The following PHACTR1 variants were observed in gnomAD, a reference collection of about 807,000 sequenced individuals.
The protein encoded by PHACTR1 is phosphatase and actin regulator 1.
Under a neutral mutation model 69.2 loss-of-function variants are expected in PHACTR1, and 16 were observed. The observed-to-expected ratio is 0.23, with a 90% confidence interval of 0.16 to 0.35. PHACTR1 has a LOEUF of 0.35. PHACTR1 is among the 10% of genes least tolerant of loss of function. PHACTR1 has a pLI of 1.00. For missense variants in PHACTR1, 510 were observed against 734.7 expected (o/e 0.69, Z 3.54); for synonymous variants, 312 against 284.5 (o/e 1.10, Z -0.97).
chr6:12,943,686 A>G (rs761675975), intron 4 of PHACTR1, among the ~76,000 whole-genome samples: 1 of 152,198 alleles, frequency 6.6e-6, no homozygotes, highest in Non-Finnish European at 1.5e-5. Flanking sequence ...TCTTGCTTTT[A>G]TATGAATGGG....
chr6:12,781,621 C>T (rs1487302726), intron 4 of PHACTR1, among the ~76,000 whole-genome samples: 2 of 152,156 alleles, frequency 1.3e-5, no homozygotes, highest in African/African-American at 4.8e-5. Flanking sequence ...AAAGCCTAGC[C>T]ACAGGGAGGG....
At chr6:13,013,057 T>G (rs3934659) in intron 4 of PHACTR1, among the ~76,000 whole-genome samples, 28,049 of 152,110 alleles carry the variant, frequency 0.18, 2,813 homozygotes, top group South Asian at 0.27. Context: ...TTTGTTTTGT[T>G]TTGTTTTGTT....
chr6:12,894,991 C>G (rs1784513595), intron 4 of PHACTR1, among the ~76,000 whole-genome samples: 1 of 151,980 alleles, frequency 6.6e-6, no homozygotes, highest in African/African-American at 2.4e-5. Context: ...TACTATATCC[C>G]TAGAGCCTAG....
intron 3 of PHACTR1, among the ~76,000 whole-genome samples, chr6:12,749,217 T>G (rs556200624): frequency 6.6e-6 from 1 of 152,340 alleles, no homozygotes; most frequent in East Asian, 1.9e-4. Context: ...GAGGGCACAG[T>G]GCTGACTGGG....
chr6:12,940,065 C>A (rs569919286), intron 4 of PHACTR1, among the ~76,000 whole-genome samples: 2 of 152,098 alleles, frequency 1.3e-5, no homozygotes, highest in South Asian at 2.1e-4. Flanking sequence ...GATTCATTTC[C>A]CCCCTGCTGT....
intron 4 of PHACTR1, among the ~76,000 whole-genome samples, chr6:12,856,305 G>T (rs1332869441): frequency 1.4e-4 from 20 of 144,832 alleles, no homozygotes; most frequent in African/African-American, 5.2e-4. Flanking sequence ...CCAAGCTGGA[G>T]TGCAGTGGCG....
intron 4 of PHACTR1, among the ~76,000 whole-genome samples, chr6:12,846,155 G>A (rs1253190449): frequency 6.6e-6 from 1 of 152,186 alleles, no homozygotes; most frequent in Non-Finnish European, 1.5e-5. Flanking sequence ...GATGACTTTA[G>A]CCACATGTTG....
chr6:12,830,348 CT>C (rs1203435038), intron 4 of PHACTR1, among the ~76,000 whole-genome samples: 10 of 146,678 alleles, frequency 6.8e-5, no homozygotes, highest in Non-Finnish European at 1.1e-4. Context: ...AAAAAAAAAG[CT>C]GTGAAAAAGG....
intron 4 of PHACTR1, among the ~76,000 whole-genome samples, chr6:13,029,305 G>C (rs766652778): frequency 2.0e-5 from 3 of 152,198 alleles, no homozygotes; most frequent in Non-Finnish European, 2.9e-5. Flanking sequence ...CCTGCATAAA[G>C]TAACGGCAGA....
At chr6:12,991,545 T>C (rs942013958) in intron 4 of PHACTR1, among the ~76,000 whole-genome samples, 15 of 152,330 alleles carry the variant, frequency 9.8e-5, no homozygotes, top group Admixed American at 7.8e-4. Flanking sequence ...CCTTCTACTT[T>C]TTGGTTTGTT....
At chr6:12,784,926 C>G (rs764086253) in intron 4 of PHACTR1, among the ~76,000 whole-genome samples, 9 of 151,756 alleles carry the variant, frequency 5.9e-5, no homozygotes, top group Non-Finnish European at 1.3e-4. Context: ...TCAGGCTGGT[C>G]TCGAACTCCC....
intron 3 of PHACTR1, among the ~76,000 whole-genome samples, chr6:12,730,237 A>G (rs1338627689): frequency 1.3e-5 from 2 of 152,140 alleles, no homozygotes; most frequent in African/African-American, 4.8e-5. Flanking sequence ...TTCCTTTCAC[A>G]TTATTTAGAA....
chr6:13,072,543 C>T (rs1214282021), intron 5 of PHACTR1, among the ~76,000 whole-genome samples: 2 of 151,754 alleles, frequency 1.3e-5, no homozygotes, highest in African/African-American at 4.8e-5. Context: ...CTAATTTTAC[C>T]TCTCTCTTTT....
chr6:13,014,537 G>T (rs990337777), intron 4 of PHACTR1, among the ~76,000 whole-genome samples: 3 of 152,184 alleles, frequency 2.0e-5, no homozygotes, highest in African/African-American at 4.8e-5. Flanking sequence ...GGGTTTGCTG[G>T]ACTGCGTTAC....
intron 5 of PHACTR1, among the ~76,000 whole-genome samples, chr6:13,128,353 CAAG>C (rs1363133598): frequency 1.3e-5 from 2 of 149,388 alleles, no homozygotes; most frequent in Admixed American, 6.7e-5. Flanking sequence ...TTAAGCTACT[CAAG>C]GAGATAACAG....
chr6:13,027,897 G>A (rs1054700418), intron 4 of PHACTR1, among the ~76,000 whole-genome samples: 4 of 152,040 alleles, frequency 2.6e-5, no homozygotes, highest in Non-Finnish European at 2.9e-5. Context: ...GGCTGGTCTC[G>A]AACTCCTGAC....
chr6:13,230,469 C>CTTTT, intron 10 of PHACTR1: 1 of 514,056 alleles, frequency 1.9e-6, no homozygotes, highest in Non-Finnish European at 3.1e-6. Flanking sequence ...TTGCTTGAAT[C>CTTTT]TGGGAGGTGT....
intron 7 of PHACTR1, 121 bp from the exon 8 acceptor site, chr6:13,205,694 C>T (rs1354823140): frequency 1.6e-5 from 15 of 913,088 alleles, no homozygotes; most frequent in East Asian, 1.3e-4. Context: ...CTCCAACTGA[C>T]GCATTTTACC....
intron 5 of PHACTR1, among the ~76,000 whole-genome samples, chr6:13,142,945 C>T (rs1261855669): frequency 6.6e-6 from 1 of 152,094 alleles, no homozygotes; most frequent in East Asian, 1.9e-4. Flanking sequence ...AATGAAGTCT[C>T]CCGGATATTT....
Sources: gnomAD v4.1 joint callset for allele counts (sites outside exome capture counted in the v4.1 genomes callset) on GRCh38, gnomAD v4.1.1 for gene constraint, MANE v1.5 for transcripts, NCBI Gene and HGNC (gene_info 2026-07-23, HGNC 2026-07-21) for gene names.